Variants in LPGAT1 observed in about 807,000 individuals in gnomAD.
LPGAT1 encodes acyl-CoA:lysophosphatidylglycerol acyltransferase 1.
A neutral mutation model predicts 47.5 loss-of-function variants in LPGAT1; 11 were observed. The observed-to-expected ratio is 0.23, with a 90% CI of 0.15 to 0.38. The LOEUF (loss-of-function observed/expected upper bound fraction) is 0.38. LPGAT1 is among the 10% of genes least tolerant of loss of function. LPGAT1 has a pLI of 1.00. For missense variants in LPGAT1, 293 were observed against 439.0 expected, an observed-to-expected ratio of 0.67 and a Z score of 2.97; for synonymous variants, 138 against 144.2, an observed-to-expected ratio of 0.96 and a Z score of 0.31.
At chr1:211,790,999 C>T (rs553828161) in intron 3 of LPGAT1, among the ~76,000 whole-genome samples, 89 of 152,130 alleles carry the variant, frequency 5.9e-4, no homozygotes, top group Admixed American at 1.0e-3. Context: ...ACTAGTTTTG[C>T]AAAATTTTAA....
intron 6 of LPGAT1, among the ~76,000 whole-genome samples, chr1:211,758,713 A>C (rs1485291266): frequency 6.6e-6 from 1 of 152,172 alleles, no homozygotes; most frequent in Non-Finnish European, 1.5e-5. Flanking sequence ...AGAAAAAAAA[A>C]AGAACCTCTA....
Position 211,746,903 on chromosome 1 carries a change from A to C in LPGAT1, c.*2996T>G, listed in dbSNP as rs1199412580. ...GCAGTGACTGGACCTGCCTGTGGCC[A>C]AGCACATGTTCCATCACTGTAACTC... On this transcript the variant is annotated 3_prime_UTR_variant, in exon 8 of 8. Transcript: ENST00000366997. The C allele has an allele frequency of 1.3e-5, 2 of 152,198 alleles. No individual in the cohort carries two copies. Among genetic ancestry groups the C allele is most frequent in the African/African-American group, 4.8e-5 (2 of 41,452 alleles). 9.4% of individuals were successfully genotyped at this position (152,198 alleles called of 1,614,324 possible).
intron 2 of LPGAT1, among the ~76,000 whole-genome samples, chr1:211,801,955 G>A (rs1266848272): frequency 2.6e-5 from 4 of 151,506 alleles, no homozygotes; most frequent in African/African-American, 7.3e-5. Flanking sequence ...AGGCATGGTG[G>A]CACACACCTG....
chr1:211,798,271 G>A (rs1037307909), intron 2 of LPGAT1, among the ~76,000 whole-genome samples: 1 of 152,166 alleles, frequency 6.6e-6, no homozygotes, highest in Non-Finnish European at 1.5e-5. Flanking sequence ...AAATGAGGAA[G>A]ATCTAATTGA....
intron 2 of LPGAT1, among the ~76,000 whole-genome samples, chr1:211,821,779 A>G (rs1169686656): frequency 1.3e-5 from 2 of 152,176 alleles, no homozygotes; most frequent in African/African-American, 4.8e-5. Flanking sequence ...ATCAATAGAG[A>G]ACTAAGAATA....
chr1:211,805,745 C>T (rs1181121897), intron 2 of LPGAT1, among the ~76,000 whole-genome samples: 1 of 152,154 alleles, frequency 6.6e-6, no homozygotes, highest in Non-Finnish European at 1.5e-5. Flanking sequence ...AAACTGTATG[C>T]AATCTCTTCC....
Position 211,800,035 on chromosome 1 carries a change from T to TTTATTATTATTATTATTATTATTATTA in LPGAT1, c.239-6846_239-6845insTAATAATAATAATAATAATAATAATAA, listed in dbSNP as rs58672865. On this transcript the variant is annotated intron_variant, in intron 2 of 7. Transcript: ENST00000366997. ...TTTCTTCTTCTTACTACTACCATTCTTTATTATTATTATTATTGAGACAGA... is the reference window on the plus strand; with the variant it reads ...TTTCTTCTTCTTACTACTACCATTCTTTATTATTATTATTATTATTATTATTATTATTATTATTATTATTGAGACAGA... Among the ~76,000 whole-genome samples, 662 of 150,964 alleles carry TTTATTATTATTATTATTATTATTATTA rather than the reference T, an allele frequency of 4.4e-3. 2 individuals are homozygous for TTTATTATTATTATTATTATTATTATTA. The highest frequency in any genetic ancestry group is 6.1e-3 in the Admixed American group (92 of 15,056).
At chr1:211,796,919 C>T in intron 2 of LPGAT1, among the ~76,000 whole-genome samples, 1 of 152,016 alleles carries the variant, frequency 6.6e-6, no homozygotes, top group East Asian at 1.9e-4. Flanking sequence ...TATTTTCAGA[C>T]CAAATGTCAA....
intron 2 of LPGAT1, among the ~76,000 whole-genome samples, chr1:211,825,689 G>A (rs1228089036): frequency 1.3e-5 from 2 of 152,208 alleles, no homozygotes; most frequent in Admixed American, 6.5e-5. Flanking sequence ...GGCCAGGGGC[G>A]ATGGCTCACG....
At chr1:211,769,450 T>C (rs1658071575) in intron 6 of LPGAT1, among the ~76,000 whole-genome samples, 1 of 151,980 alleles carries the variant, frequency 6.6e-6, no homozygotes. Flanking sequence ...GAGAGTGTTA[T>C]GGGAAAGGGG....
chr1:211,753,626 T>A (rs891641842), intron 6 of LPGAT1, among the ~76,000 whole-genome samples: 1 of 152,198 alleles, frequency 6.6e-6, no homozygotes, highest in Admixed American at 6.5e-5. Context: ...ATAATGGAAA[T>A]TTTTAAACAT....
intron 6 of LPGAT1, among the ~76,000 whole-genome samples, chr1:211,760,583 C>A (rs1020112226): frequency 5.3e-5 from 8 of 152,014 alleles, no homozygotes; most frequent in Admixed American, 3.9e-4. Context: ...GAATTTGGTG[C>A]CTATATTTAT....
rs1028092485 is a variant in LPGAT1, at chr1:211,830,352, G to T, written c.-28+221C>A. 26 of 1,151,782 alleles carry T rather than the reference G, an allele frequency of 2.3e-5. No homozygotes were observed. Among genetic ancestry groups the T allele is most frequent in the Non-Finnish European group, 5.3e-6 (5 of 936,878 alleles). The allele number at this position is 1,151,782 out of a possible 1,614,324, so 71.3% of individuals were successfully genotyped here. On this transcript the variant is annotated intron_variant, in intron 1 of 7. Transcript: ENST00000366997. This position sits in a 1 kb window ranked among gnomAD's most constrained non-coding sequence, Gnocchi z 5.9. ...CTGCCTGCGGACAGAGGGACGGCGGGGACTCAGAGGCCGGACCTGTCACCC... is the reference window on the plus strand; with the variant it reads ...CTGCCTGCGGACAGAGGGACGGCGGTGACTCAGAGGCCGGACCTGTCACCC...
chr1:211,822,784 A>G (rs1660408282), intron 2 of LPGAT1, among the ~76,000 whole-genome samples: 2 of 152,090 alleles, frequency 1.3e-5, no homozygotes, highest in Admixed American at 1.3e-4. Context: ...TCTCAAAAAA[A>G]AAAAAAAAAT....
intron 2 of LPGAT1, 189 bp from the exon 3 acceptor site, chr1:211,793,379 A>C: frequency 4.2e-6 from 1 of 239,504 alleles, no homozygotes; most frequent in East Asian, 8.3e-5. Flanking sequence ...GCCCCCAAAT[A>C]TACATTAAAA....
chr1:211,807,919 T>C (rs1405015151), intron 2 of LPGAT1, among the ~76,000 whole-genome samples: 2 of 152,190 alleles, frequency 1.3e-5, no homozygotes, highest in Non-Finnish European at 2.9e-5. Context: ...CTATTCTGGC[T>C]TGGGGGCTGC....
At chr1:211,814,438 G>A (rs902649091) in intron 2 of LPGAT1, among the ~76,000 whole-genome samples, 3 of 152,208 alleles carry the variant, frequency 2.0e-5, no homozygotes, top group African/African-American at 7.2e-5. Flanking sequence ...GGTTGCAGGA[G>A]AGCAGCCTTA....
intron 6 of LPGAT1, among the ~76,000 whole-genome samples, chr1:211,775,744 C>T (rs1041612442): frequency 3.9e-5 from 6 of 151,932 alleles, no homozygotes; most frequent in African/African-American, 1.2e-4. Context: ...GCCTTACCAA[C>T]ATGGAGAAAC....
chr1:211,805,734 C>T (rs762461859), intron 2 of LPGAT1, among the ~76,000 whole-genome samples: 2 of 152,096 alleles, frequency 1.3e-5, no homozygotes, highest in Non-Finnish European at 2.9e-5. Flanking sequence ...AGAAATAATA[C>T]AAACTGTATG....
Sources: gnomAD v4.1 joint callset for allele counts (sites outside exome capture counted in the v4.1 genomes callset) on GRCh38, gnomAD v4.1.1 for gene constraint, Gnocchi (gnomAD v3.1) non-coding constraint, MANE v1.5 for transcripts, NCBI Gene and HGNC (gene_info 2026-07-23, HGNC 2026-07-21) for gene names.